The following DSCAM variants were observed in gnomAD, a reference collection of about 807,000 sequenced individuals.
DSCAM encodes the protein cell adhesion molecule DSCAM.
A neutral mutation model predicts 217.7 loss-of-function variants in DSCAM; 47 were observed. That is an observed-to-expected ratio of 0.22 (90% CI 0.17 to 0.28). The LOEUF (loss-of-function observed/expected upper bound fraction) is 0.28, where lower values mean the gene tolerates loss of function less well. Ranked by LOEUF, DSCAM falls within the 10% of genes least tolerant of loss-of-function variation. The pLI is 1.00. For missense variants in DSCAM, 2,080 were observed against 2,618.3 expected, an observed-to-expected ratio of 0.79 and a Z score of 4.49; for synonymous variants, 1,056 against 1,015.3, an observed-to-expected ratio of 1.04 and a Z score of -0.76.
At chr21:40,176,551 G>A (rs984413146) in intron 15 of DSCAM, among the ~76,000 whole-genome samples, 1 of 152,178 alleles carries the variant, frequency 6.6e-6, no homozygotes. Flanking sequence ...CCTTTGGCCA[G>A]AGCACCCCAT....
At chr21:40,241,741 C>T (rs1295362136) in intron 11 of DSCAM, among the ~76,000 whole-genome samples, 1 of 152,176 alleles carries the variant, frequency 6.6e-6, no homozygotes, top group African/African-American at 2.4e-5. Context: ...GATGTGGAAT[C>T]CACCTAAATG....
chr21:40,464,772 C>T (rs995369859), intron 3 of DSCAM, among the ~76,000 whole-genome samples: 3 of 148,272 alleles, frequency 2.0e-5, no homozygotes, highest in African/African-American at 2.5e-5. Flanking sequence ...AGCAGAGTCT[C>T]GCTCTGTTGC....
chr21:40,337,577 C>T (rs1235014766), intron 8 of DSCAM, among the ~76,000 whole-genome samples: 1 of 152,054 alleles, frequency 6.6e-6, no homozygotes, highest in African/African-American at 2.4e-5. Flanking sequence ...CATGACAGTC[C>T]ATGTCATGAT....
chr21:40,306,288 AT>A (rs2074075541), intron 9 of DSCAM, among the ~76,000 whole-genome samples: 1 of 148,276 alleles, frequency 6.7e-6, no homozygotes, highest in African/African-American at 2.6e-5. Context: ...TTGTACATTG[AT>A]TTTGTATCCT....
At chr21:40,620,201 AAGAGAG>A (rs1339393310) in intron 3 of DSCAM, among the ~76,000 whole-genome samples, 1 of 82,550 alleles carries the variant, frequency 1.2e-5, no homozygotes, top group African/African-American at 5.4e-5. Flanking sequence ...AAAAGAAAGA[AAGAGAG>A]AAAGAGAGAG....
chr21:40,385,293 G>T (rs2075072234), intron 3 of DSCAM: 1 of 152,144 alleles, frequency 6.6e-6, no homozygotes, highest in Non-Finnish European at 1.5e-5. Flanking sequence ...TGAAAATAAA[G>T]TATATTTTAT....
intron 16 of DSCAM, among the ~76,000 whole-genome samples, chr21:40,162,969 ACT>A (rs2090555892): frequency 6.6e-6 from 1 of 152,190 alleles, no homozygotes; most frequent in South Asian, 2.1e-4. Flanking sequence ...TAGGAAAAAA[ACT>A]CTGTCTTAAA....
intron 3 of DSCAM, among the ~76,000 whole-genome samples, chr21:40,605,950 G>A (rs1357613975): frequency 1.3e-5 from 2 of 151,742 alleles, no homozygotes; most frequent in African/African-American, 4.8e-5. Flanking sequence ...ACAGGCATGT[G>A]CCACCACGCC....
At chr21:40,424,207 G>A (rs568107809) in intron 3 of DSCAM, among the ~76,000 whole-genome samples, 4 of 152,156 alleles carry the variant, frequency 2.6e-5, no homozygotes, top group East Asian at 1.9e-4. Context: ...GATAAATTGC[G>A]TCCCCCCAAA....
intron 30 of DSCAM, among the ~76,000 whole-genome samples, chr21:40,046,921 A>C (rs1175694628): frequency 1.3e-5 from 2 of 151,926 alleles, no homozygotes; most frequent in Non-Finnish European, 2.9e-5. Context: ...CCCTTTCCTC[A>C]TTGAGATCAC....
At chr21:40,508,758 TA>T (rs1568862928) in intron 3 of DSCAM, among the ~76,000 whole-genome samples, 155 of 14,744 alleles carry the variant, frequency 0.011, 25 homozygotes, top group African/African-American at 0.026. Context: ...TATATATATA[TA>T]TATATATATA....
Position 40,093,889 on chromosome 21 carries a change from A to G in DSCAM, c.3697-15T>C, listed in dbSNP as rs915573382. On this transcript the variant is annotated splice_polypyrimidine_tract_variant and intron_variant, in intron 20 of 32. Transcript: ENST00000400454. ...TCGCTGATCACCTGTAAAAAGAGACATAAGTGTTCCCACATTCAAAGAAGC... is the reference window on the plus strand; with the variant it reads ...TCGCTGATCACCTGTAAAAAGAGACGTAAGTGTTCCCACATTCAAAGAAGC... 28 of 1,607,394 alleles carry G rather than the reference A, an allele frequency of 1.7e-5. 1 individual carries two copies. The highest frequency in any genetic ancestry group is 1.0e-4 in the Admixed American group (6 of 59,242).
intron 15 of DSCAM, among the ~76,000 whole-genome samples, chr21:40,173,533 A>G (rs980627318): frequency 6.6e-6 from 1 of 152,184 alleles, no homozygotes; most frequent in African/African-American, 2.4e-5. Flanking sequence ...CTGGTTGGTC[A>G]TGGGGTGTGC....
chr21:40,723,987 T>C (rs2090929135), intron 1 of DSCAM, among the ~76,000 whole-genome samples: 1 of 152,246 alleles, frequency 6.6e-6, no homozygotes, highest in Admixed American at 6.5e-5. Context: ...TGAGTATTGT[T>C]TGCAATCCAT....
At position 40,210,847 on chromosome 21, in the gene DSCAM, C is replaced by T. The variant is rs141294163; in HGVS notation, c.2357-21609G>A. ...GGCATGAGCCACTGCACCTGGCCAC[C>T]TTCATTATTTTTAACCCACATTCAT... On this transcript the variant is annotated intron_variant, in intron 11 of 32. Transcript: ENST00000400454. 2.6e-3 allele frequency among the ~76,000 whole-genome samples: 398 copies of T among 152,258 alleles called. 1 individual carries two copies. Among genetic ancestry groups the T allele is most frequent in the African/African-American group, 9.1e-3 (377 of 41,568 alleles).
At chr21:40,697,939 T>A (rs751198404) in intron 2 of DSCAM, among the ~76,000 whole-genome samples, 3 of 152,214 alleles carry the variant, frequency 2.0e-5, no homozygotes, top group Non-Finnish European at 4.4e-5. Context: ...ATTTTAACAC[T>A]ATTAATTCTT....
chr21:40,791,054 C>T (rs9981804), intron 1 of DSCAM, among the ~76,000 whole-genome samples: 68,412 of 151,544 alleles, frequency 0.45, 17,336 homozygotes, highest in South Asian at 0.66. Context: ...CAAGGTGGCA[C>T]CTGCCTGTAA....
At chr21:40,341,095 T>A (rs190441173) in intron 6 of DSCAM, among the ~76,000 whole-genome samples, 1 of 152,246 alleles carries the variant, frequency 6.6e-6, no homozygotes, top group Admixed American at 6.5e-5. Context: ...AAGTAGCATA[T>A]TGCAGTGTCC....
At chr21:40,447,815 T>C (rs1013042473) in intron 3 of DSCAM, among the ~76,000 whole-genome samples, 13 of 152,352 alleles carry the variant, frequency 8.5e-5, no homozygotes, top group Non-Finnish European at 1.6e-4. Context: ...CCACAAAATA[T>C]AGCAGCATAA....
Sources: allele counts gnomAD v4.1 joint callset (sites outside exome capture counted in the v4.1 genomes callset), GRCh38; gene constraint gnomAD v4.1.1; transcripts MANE v1.5; gene names NCBI Gene and HGNC (gene_info 2026-07-23, HGNC 2026-07-21).